Variants in TAFA2 observed in about 807,000 individuals in gnomAD.
TAFA2 encodes the protein TAFA chemokine like family member 2.
A neutral mutation model predicts 18.8 loss-of-function variants in TAFA2; 7 were observed. The ratio of observed to expected loss-of-function variants is 0.37; its 90% CI spans 0.21 to 0.70. TAFA2 has a LOEUF of 0.70. Among genes scored for constraint, TAFA2 ranks in the 30% least tolerant of loss-of-function variants. The probability of loss-of-function intolerance (pLI) is 0.53; values close to 1 mark genes in which losing one functional copy is unlikely to be tolerated. For missense variants in TAFA2, 122 were observed against 158.1 expected (o/e 0.77, Z 1.23); for synonymous variants, 60 against 54.2 (o/e 1.11, Z -0.47).
intron 1 of TAFA2, among the ~76,000 whole-genome samples, chr12:62,247,792 A>C (rs942445717): frequency 6.6e-6 from 1 of 151,814 alleles, no homozygotes; most frequent in African/African-American, 2.4e-5. Flanking sequence ...CAGGCAAATG[A>C]CACATTCAGT....
At chr12:61,923,539 C>T (rs1053530705) in intron 1 of TAFA2, among the ~76,000 whole-genome samples, 1 of 152,128 alleles carries the variant, frequency 6.6e-6, no homozygotes, top group Admixed American at 6.6e-5. Context: ...AAAATAGTAT[C>T]AGCATCAACA....
chr12:62,019,771 TAACA>T (rs1881065746), intron 1 of TAFA2, among the ~76,000 whole-genome samples: 1 of 151,952 alleles, frequency 6.6e-6, no homozygotes, highest in Non-Finnish European at 1.5e-5. Context: ...TATACATATG[TAACA>T]AACCTGCACG....
chr12:62,078,781 C>A lies in TAFA2; in HGVS notation c.-2+112478G>T, dbSNP rs542844434. On this transcript the variant is annotated intron_variant, in intron 1 of 4. Coordinates refer to ENST00000416284, the MANE Select transcript of TAFA2 (RefSeq NM_178539.5). ...ATTAAACCTTGCCTGAGAAAAATTT[C>A]TTTTTGGCGTGATGTTAATTTCTAT... Among the ~76,000 whole-genome samples, 82 of 152,230 alleles carry A rather than the reference C, an allele frequency of 5.4e-4. 2 individuals carry two copies. The South Asian group carries it at 1.0e-2, about 18-fold the overall frequency.
At chr12:62,212,486 C>A (rs2062718163) in intron 1 of TAFA2, among the ~76,000 whole-genome samples, 1 of 152,168 alleles carries the variant, frequency 6.6e-6, no homozygotes, top group East Asian at 1.9e-4. Flanking sequence ...CCTTTCTGCC[C>A]CCATTAGACA....
At chr12:61,972,561 A>G (rs542297534) in intron 1 of TAFA2, among the ~76,000 whole-genome samples, 1 of 151,836 alleles carries the variant, frequency 6.6e-6, no homozygotes, top group African/African-American at 2.4e-5. Flanking sequence ...GTATAGAGGA[A>G]TTAGGACTGG....
chr12:62,020,635 T>C (rs911754762), intron 1 of TAFA2, among the ~76,000 whole-genome samples: 1 of 152,206 alleles, frequency 6.6e-6, no homozygotes, highest in South Asian at 2.1e-4. Flanking sequence ...TAAAGACTAT[T>C]CTATTTCATG....
chr12:62,049,766 G>A (rs1243092894), intron 1 of TAFA2, among the ~76,000 whole-genome samples: 1 of 152,146 alleles, frequency 6.6e-6, no homozygotes, highest in Non-Finnish European at 1.5e-5. Flanking sequence ...TATTGTGTAT[G>A]TATATTATTA....
At chr12:61,761,625 A>G (rs1307542804) in intron 2 of TAFA2, among the ~76,000 whole-genome samples, 2 of 152,114 alleles carry the variant, frequency 1.3e-5, no homozygotes, top group Non-Finnish European at 2.9e-5. Context: ...TATCAATGCA[A>G]TAACCACTGA....
At chr12:62,145,205 C>T (rs956290047) in intron 1 of TAFA2, among the ~76,000 whole-genome samples, 3 of 152,162 alleles carry the variant, frequency 2.0e-5, no homozygotes, top group African/African-American at 4.8e-5. Flanking sequence ...TCCACCAGGC[C>T]GCAGACTGGT....
At chr12:62,054,449 T>G (rs1882135688) in intron 1 of TAFA2, among the ~76,000 whole-genome samples, 1 of 152,182 alleles carries the variant, frequency 6.6e-6, no homozygotes, top group African/African-American at 2.4e-5. Context: ...AGAGTTCACC[T>G]CAATATCTTC....
At chr12:61,916,911 T>C (rs1002471699) in intron 1 of TAFA2, among the ~76,000 whole-genome samples, 1 of 152,238 alleles carries the variant, frequency 6.6e-6, no homozygotes, top group Non-Finnish European at 1.5e-5. Context: ...TACAGATACT[T>C]CATGGAAATG....
At chr12:61,864,539 C>T (rs139181035) in intron 2 of TAFA2, among the ~76,000 whole-genome samples, 3,437 of 151,078 alleles carry the variant, frequency 0.023, 142 homozygotes, top group African/African-American at 0.079. Flanking sequence ...TTTGGGAGGC[C>T]GAGGCGGGCG....
chr12:62,025,083 C>A (rs1338178397), intron 1 of TAFA2, among the ~76,000 whole-genome samples: 1 of 152,090 alleles, frequency 6.6e-6, no homozygotes, highest in Non-Finnish European at 1.5e-5. Context: ...CTATTCAACC[C>A]AGCAATCCTA....
chr12:62,006,157 T>C (rs1347880710), intron 1 of TAFA2, among the ~76,000 whole-genome samples: 3 of 152,194 alleles, frequency 2.0e-5, no homozygotes, highest in African/African-American at 7.2e-5. Context: ...AGATCCTAAA[T>C]TTCTTTCCAT....
chr12:61,712,744 A>T (rs1869471348), intron 4 of TAFA2, among the ~76,000 whole-genome samples: 1 of 152,310 alleles, frequency 6.6e-6, no homozygotes, highest in South Asian at 2.1e-4. Flanking sequence ...ATCCTAGCAT[A>T]TGAGATGAAG....
intron 1 of TAFA2, among the ~76,000 whole-genome samples, chr12:62,209,408 G>A (rs1169372951): frequency 6.6e-6 from 1 of 152,172 alleles, no homozygotes; most frequent in Non-Finnish European, 1.5e-5. Context: ...TAAGTTTCCT[G>A]AGGCCTCCCC....
chr12:61,719,279 C>T (rs74838429), intron 4 of TAFA2, among the ~76,000 whole-genome samples: 2 of 152,150 alleles, frequency 1.3e-5, no homozygotes, highest in East Asian at 1.9e-4. Flanking sequence ...GATAGAGGAG[C>T]CTGAATTCTG....
intron 1 of TAFA2, among the ~76,000 whole-genome samples, chr12:62,135,601 A>G (rs759174309): frequency 1.3e-5 from 2 of 152,130 alleles, no homozygotes; most frequent in Non-Finnish European, 2.9e-5. Context: ...GTAATAAAAA[A>G]TAGATTTCAC....
chr12:61,830,712 T>A (rs1872689996), intron 2 of TAFA2, among the ~76,000 whole-genome samples: 1 of 151,992 alleles, frequency 6.6e-6, no homozygotes, highest in Non-Finnish European at 1.5e-5. Flanking sequence ...CACTTAAATT[T>A]ATACCAATAA....
Sources: allele counts gnomAD v4.1 joint callset (sites outside exome capture counted in the v4.1 genomes callset), GRCh38; gene constraint gnomAD v4.1.1; transcripts MANE v1.5; gene names NCBI Gene and HGNC (gene_info 2026-07-23, HGNC 2026-07-21).